ADAMTS12: variants seen among roughly 807,000 people sequenced by gnomAD.
ADAMTS12 encodes the protein ADAM metallopeptidase with thrombospondin type 1 motif 12.
Under a neutral mutation model 167.8 loss-of-function variants are expected in ADAMTS12, and 118 were observed. That is an observed-to-expected ratio of 0.70 (90% CI 0.61 to 0.82). ADAMTS12 has a LOEUF of 0.82. Among genes scored for constraint, ADAMTS12 ranks in the 40% least tolerant of loss-of-function variants. The pLI, the probability that ADAMTS12 is intolerant of heterozygous loss-of-function variation, is 0.00. For missense variants in ADAMTS12, 1,916 were observed against 1,998.8 expected, an observed-to-expected ratio of 0.96 and a Z score of 0.79; for synonymous variants, 704 against 716.9, an observed-to-expected ratio of 0.98 and a Z score of 0.29.
chr5:33,729,557 C>T lies in ADAMTS12; in HGVS notation c.634+21847G>A, dbSNP rs531924242. ...TGTCTGCTCAGGGAGTTTTTGTGGC[C>T]TCCATTTTAATTTGCTTTAACAACA... On this transcript the variant is annotated intron_variant, in intron 3 of 23. Transcript: ENST00000504830. Among the ~76,000 whole-genome samples, 5 of 152,288 alleles carry T rather than the reference C, an allele frequency of 3.3e-5. No individual in the cohort carries two copies. In the South Asian group the frequency reaches 1.0e-3, roughly 32 times the overall value.
intron 2 of ADAMTS12, among the ~76,000 whole-genome samples, chr5:33,762,406 G>A (rs959742137): frequency 1.3e-5 from 2 of 151,840 alleles, no homozygotes; most frequent in Non-Finnish European, 2.9e-5. Context: ...TACTCGGGAG[G>A]CTGAGGCAGG....
At chr5:33,631,402 C>G (rs1410637012) in intron 12 of ADAMTS12, among the ~76,000 whole-genome samples, 1 of 152,146 alleles carries the variant, frequency 6.6e-6, no homozygotes, top group Non-Finnish European at 1.5e-5. Context: ...CCATCACCAC[C>G]AGCATAATCC....
chr5:33,635,546 T>C (rs1224696121), intron 12 of ADAMTS12, among the ~76,000 whole-genome samples: 1 of 152,182 alleles, frequency 6.6e-6, no homozygotes, highest in Admixed American at 6.5e-5. Context: ...AAGGGTTTTC[T>C]TGTGGAGATA....
intron 3 of ADAMTS12, among the ~76,000 whole-genome samples, chr5:33,706,282 T>C (rs1314153264): frequency 6.6e-6 from 1 of 152,138 alleles, no homozygotes; most frequent in Non-Finnish European, 1.5e-5. Context: ...GTTGATCTAA[T>C]ATTGACAGTG....
Position 33,545,979 on chromosome 5 carries a change from G to T in ADAMTS12, c.4446+80C>A. Reference sequence around the variant, plus strand: ...TACCTATGTAACAAACCTGCACGTTGTGCACAGGTACCCTAGAACTTAAAG... The same window carrying T: ...TACCTATGTAACAAACCTGCACGTTTTGCACAGGTACCCTAGAACTTAAAG... On this transcript the variant is annotated intron_variant, in intron 22 of 23. Transcript: ENST00000504830. The T allele has an allele frequency of 4.6e-6, 7 of 1,513,926 alleles. No homozygotes were observed. In the South Asian group the frequency reaches 8.0e-5, roughly 17 times the overall value. 93.8% of individuals were successfully genotyped at this position (1,513,926 alleles called of 1,614,324 possible).
At chr5:33,785,442 T>C (rs116724503) in intron 2 of ADAMTS12, among the ~76,000 whole-genome samples, 2,488 of 152,044 alleles carry the variant, frequency 0.016, 71 homozygotes, top group African/African-American at 0.057. Context: ...GCATTCAGAG[T>C]GTGTGTACAT....
At chr5:33,673,020 GACTT>G (rs1436088110) in intron 5 of ADAMTS12, among the ~76,000 whole-genome samples, 1 of 152,186 alleles carries the variant, frequency 6.6e-6, no homozygotes, top group Non-Finnish European at 1.5e-5. Context: ...TAACTGGAAA[GACTT>G]AGTAATTAAC....
chr5:33,643,778 G>A (rs888509983), intron 9 of ADAMTS12, among the ~76,000 whole-genome samples: 1 of 152,202 alleles, frequency 6.6e-6, no homozygotes, highest in Non-Finnish European at 1.5e-5. Flanking sequence ...CATTGCTCTT[G>A]GGAAAGGTAA....
chr5:33,657,442 T>C (rs1561198347), intron 7 of ADAMTS12, among the ~76,000 whole-genome samples: 1 of 152,190 alleles, frequency 6.6e-6, no homozygotes, highest in Non-Finnish European at 1.5e-5. Flanking sequence ...TATTTGTGGT[T>C]AGCAAATATA....
intron 2 of ADAMTS12, among the ~76,000 whole-genome samples, chr5:33,857,678 A>AG (rs11412770): frequency 0.47 from 70,912 of 152,054 alleles, 18,463 homozygotes; most frequent in African/African-American, 0.69. Flanking sequence ...AGAAACACAC[A>AG]AAAAATTGGA....
chr5:33,881,418 C>T lies in ADAMTS12; in HGVS notation c.190G>A (p.Gly64Arg). ...VVGPVRVDAS[G>R]HFLSYGLHYP... ...TGCAAGCCATATGACAAAAAATGCCCACTGGCATCTACTCGGACTGGACCC... is the reference window on the plus strand; with the variant it reads ...TGCAAGCCATATGACAAAAAATGCCTACTGGCATCTACTCGGACTGGACCC... The change falls in exon 2 of 24, where the codon GGG (glycine) becomes AGG (arginine). Residue 64 changes from glycine (G) to arginine (R), a missense_variant. Transcript: ENST00000504830. 1.2e-6 allele frequency: 2 copies of T among 1,614,100 alleles called. No individual in the cohort carries two copies. The highest frequency in any genetic ancestry group is 1.7e-6 in the Non-Finnish European group (2 of 1,180,008).
chr5:33,611,993 G>A (rs1561167181), intron 16 of ADAMTS12, among the ~76,000 whole-genome samples: 1 of 152,190 alleles, frequency 6.6e-6, no homozygotes, highest in Non-Finnish European at 1.5e-5. Context: ...AGTGTAGAAA[G>A]TTTTAGCCTA....
chr5:33,572,094 G>A (rs1480585022), intron 19 of ADAMTS12, among the ~76,000 whole-genome samples: 2 of 151,998 alleles, frequency 1.3e-5, no homozygotes, highest in African/African-American at 4.8e-5. Context: ...GCTGAAATTG[G>A]GGCAATAATC....
At chr5:33,707,397 A>C (rs748595163) in intron 3 of ADAMTS12, among the ~76,000 whole-genome samples, 13 of 152,218 alleles carry the variant, frequency 8.5e-5, no homozygotes, top group Non-Finnish European at 1.8e-4. Context: ...TTATAGATTT[A>C]ATGTTATTGC....
chr5:33,676,224 C>A (rs937747385), intron 5 of ADAMTS12, among the ~76,000 whole-genome samples: 7 of 152,126 alleles, frequency 4.6e-5, no homozygotes, highest in Non-Finnish European at 7.4e-5. Flanking sequence ...AAGAACGTGG[C>A]TTTTGTTAAA....
Position 33,557,442 on chromosome 5 carries a change from C to T in ADAMTS12, c.4125+3585G>A, listed in dbSNP as rs141838631. 2.1e-3 allele frequency among the ~76,000 whole-genome samples: 326 copies of T among 152,226 alleles called. 1 individual carries two copies. The highest frequency in any genetic ancestry group is 7.5e-3 in the African/African-American group (313 of 41,540). ...AAAAGGCCTATCAGAATTAGCGAAG[C>T]TCAGAGGGAAGGCCTTCAAATCTTT... On this transcript the variant is annotated intron_variant, in intron 20 of 23. Coordinates refer to ENST00000504830, the MANE Select transcript of ADAMTS12 (RefSeq NM_030955.4).
rs913517888 is a variant in ADAMTS12 at position 33,549,312 on chromosome 5, G to T, written c.4197C>A (p.Asn1399Lys). 6.2e-7 allele frequency: 1 copy of T among 1,614,198 alleles called. No homozygotes were observed. Among genetic ancestry groups the T allele is most frequent in the Admixed American group, 1.7e-5 (1 of 60,016 alleles). The part of the protein sequence containing the change: ...IQCVDSRDHR[N>K]LRPFHCQFLA... The stretch of plus-strand genomic sequence containing the variant: ...GGAACTGGCAGTGAAATGGCCTCAG[G>T]TTCCGGTGGTCCCGGCTGTCCACGC... The change falls in exon 21 of 24, where the codon AAC (asparagine) becomes AAA (lysine). Residue 1399 changes from asparagine (N) to lysine (K), a missense_variant. Physicochemically the swap from Asn to Lys is moderately conservative, Grantham distance 94. Transcript: ENST00000504830.
chr5:33,721,750 C>T (rs1222604934), intron 3 of ADAMTS12, among the ~76,000 whole-genome samples: 1 of 152,226 alleles, frequency 6.6e-6, no homozygotes, highest in African/African-American at 2.4e-5. Flanking sequence ...GTCTATTCCA[C>T]AGCCTCTCCC....
At chr5:33,553,996 A>C (rs1745378281) in intron 20 of ADAMTS12, among the ~76,000 whole-genome samples, 1 of 152,166 alleles carries the variant, frequency 6.6e-6, no homozygotes, top group African/African-American at 2.4e-5. Context: ...TCTCTACCCT[A>C]AGTGGTTTGC....
Sources: gnomAD v4.1 joint callset for allele counts (sites outside exome capture counted in the v4.1 genomes callset) on GRCh38, gnomAD v4.1.1 for gene constraint, MANE v1.5 for transcripts, NCBI Gene and HGNC (gene_info 2026-07-23, HGNC 2026-07-21) for gene names.